TRPC4: variants seen among roughly 807,000 people sequenced by gnomAD.
TRPC4 encodes short transient receptor potential channel 4.
Under a neutral mutation model 99.4 loss-of-function variants are expected in TRPC4, and 49 were observed. The observed-to-expected ratio is 0.49, with a 90% CI of 0.39 to 0.63. The LOEUF (loss-of-function observed/expected upper bound fraction) is 0.63. TRPC4 is among the 20% of genes least tolerant of loss of function. The probability of loss-of-function intolerance (pLI) is 0.00; values close to 1 mark genes in which losing one functional copy is unlikely to be tolerated. For missense variants in TRPC4, 898 were observed against 1,152.9 expected, an observed-to-expected ratio of 0.78 and a Z score of 3.20; for synonymous variants, 454 against 425.9, an observed-to-expected ratio of 1.07 and a Z score of -0.81.
chr13:37,749,336 T>A (rs1483313845), intron 2 of TRPC4, among the ~76,000 whole-genome samples: 1 of 152,140 alleles, frequency 6.6e-6, no homozygotes, highest in African/African-American at 2.4e-5. Flanking sequence ...ATAATTATAA[T>A]TATTTTAGAG....
chr13:37,768,985 A>G (rs1158756456), intron 2 of TRPC4, among the ~76,000 whole-genome samples: 1 of 151,388 alleles, frequency 6.6e-6, no homozygotes, highest in East Asian at 2.0e-4. Context: ...AGAAATATAG[A>G]TCATGGTGGT....
intron 1 of TRPC4, among the ~76,000 whole-genome samples, chr13:37,832,114 G>T (rs1345401044): frequency 1.3e-5 from 2 of 152,046 alleles, no homozygotes; most frequent in Non-Finnish European, 2.9e-5. Flanking sequence ...ATTCCGCAAG[G>T]TATATTTGTA....
At position 37,805,908 on chromosome 13, in the gene TRPC4, G is replaced by GA. The variant is rs573518450; in HGVS notation, c.-27-22549dup. Among the ~76,000 whole-genome samples, 192 of 151,454 alleles carry GA rather than the reference G, an allele frequency of 1.3e-3. 1 individual carries two copies. Among genetic ancestry groups the GA allele is most frequent in the Non-Finnish European group, 2.1e-3 (141 of 67,842 alleles). On this transcript the variant is annotated intron_variant, in intron 1 of 10. Coordinates refer to ENST00000379705, the MANE Select transcript of TRPC4 (RefSeq NM_016179.4). Reference sequence around the variant, plus strand: ...CACTGTTTATACAATGTCTTATTGAGAAAAAAAAGAAACACATTTTTCTTG... The same window carrying GA: ...CACTGTTTATACAATGTCTTATTGAGAAAAAAAAAGAAACACATTTTTCTTG...
chr13:37,683,910 A>G (rs1178661311), intron 4 of TRPC4, among the ~76,000 whole-genome samples: 1 of 152,230 alleles, frequency 6.6e-6, no homozygotes, highest in Non-Finnish European at 1.5e-5. Flanking sequence ...CTACTTTTAA[A>G]TAACTTGAAA....
intron 1 of TRPC4, among the ~76,000 whole-genome samples, chr13:37,827,574 T>C (rs1299904250): frequency 6.6e-6 from 1 of 152,152 alleles, no homozygotes; most frequent in Non-Finnish European, 1.5e-5. Flanking sequence ...GCCTCCCAGT[T>C]AGGCTGCTCG....
At chr13:37,645,843 C>A (rs1951847826) in intron 8 of TRPC4, among the ~76,000 whole-genome samples, 1 of 152,210 alleles carries the variant, frequency 6.6e-6, no homozygotes, top group African/African-American at 2.4e-5. Context: ...GGAACTCACT[C>A]TTGAAATACC....
At chr13:37,715,498 G>T (rs931136032) in intron 3 of TRPC4, among the ~76,000 whole-genome samples, 1 of 152,128 alleles carries the variant, frequency 6.6e-6, no homozygotes, top group Non-Finnish European at 1.5e-5. Flanking sequence ...ATGAGATAAA[G>T]GATGTGAAGA....
At chr13:37,663,190 G>A (rs1202409804) in intron 6 of TRPC4, among the ~76,000 whole-genome samples, 6 of 152,140 alleles carry the variant, frequency 3.9e-5, no homozygotes, top group Non-Finnish European at 7.4e-5. Flanking sequence ...TCATTTAGAA[G>A]AAAAGATGAT....
At chr13:37,781,753 T>G (rs924722852) in intron 2 of TRPC4, among the ~76,000 whole-genome samples, 6 of 152,114 alleles carry the variant, frequency 3.9e-5, no homozygotes, top group South Asian at 2.1e-4. Flanking sequence ...TTTATCAAAG[T>G]CTTAGTTCAA....
chr13:37,778,697 T>C lies in TRPC4; in HGVS notation c.378+4259A>G, dbSNP rs796762426. ...ATCACTCTGGAATCTTCACTGTTTA[T>C]AATGTATAGCAAAGTCTTTTTTTCC... On this transcript the variant is annotated intron_variant, in intron 2 of 10. Coordinates refer to ENST00000379705, the MANE Select transcript of TRPC4 (RefSeq NM_016179.4). Among the ~76,000 whole-genome samples the C allele has an allele frequency of 3.4e-4, 52 of 152,150 alleles. 1 individual carries two copies. The highest frequency in any genetic ancestry group is 1.2e-3 in the African/African-American group (48 of 41,546).
chr13:37,662,042 C>T (rs191756965), intron 6 of TRPC4, among the ~76,000 whole-genome samples: 2 of 152,236 alleles, frequency 1.3e-5, no homozygotes, highest in South Asian at 2.1e-4. Flanking sequence ...GGCGAAGTGG[C>T]TCATGCCTGT....
At chr13:37,670,440 T>C (rs1274140781) in intron 5 of TRPC4, among the ~76,000 whole-genome samples, 2 of 152,072 alleles carry the variant, frequency 1.3e-5, no homozygotes, top group African/African-American at 4.8e-5. Flanking sequence ...AGATAGGAGG[T>C]AGAACCTATA....
chr13:37,651,410 C>T lies in TRPC4; in HGVS notation c.1934G>A (p.Ser645Asn). The T allele has an allele frequency of 6.2e-7, 1 of 1,614,054 alleles. No homozygotes were observed. The highest frequency in any genetic ancestry group is 8.5e-7 in the Non-Finnish European group (1 of 1,179,960). The change falls in exon 8 of 11, where the codon AGT (serine) becomes AAT (asparagine). Residue 645 changes from serine (S) to asparagine (N), a missense_variant. Ser to Asn is a conservative substitution (Grantham distance 46, BLOSUM62 1). Coordinates refer to ENST00000379705, the MANE Select transcript of TRPC4 (RefSeq NM_016179.4). ...CAGAGTACCTCCTTCTTCAAAATAA[C>T]TCATCCAAAGCTTTGTTCGTGCAAA... is the stretch of plus-strand genomic sequence containing the variant. The part of the protein sequence containing the change: ...WKFARTKLWM[S>N]YFEEGGTLPT...
rs1951522506 is a variant in TRPC4, at chr13:37,636,509, GA to G, written c.*393del. Reference sequence around the variant, plus strand: ...CTCTCTAAAGACCCTAAAAAATTATGAAAAGCTATAATATTTCAGCCACATT... The same window carrying G: ...CTCTCTAAAGACCCTAAAAAATTATGAAAGCTATAATATTTCAGCCACATT... On this transcript the variant is annotated 3_prime_UTR_variant, in exon 11 of 11. Coordinates refer to ENST00000379705, the MANE Select transcript of TRPC4 (RefSeq NM_016179.4). 6.4e-6 allele frequency: 1 copy of G among 156,034 alleles called. No homozygotes were observed. The highest frequency in any genetic ancestry group is 2.4e-5 in the African/African-American group (1 of 41,508). 9.7% of individuals were successfully genotyped at this position (156,034 alleles called of 1,614,324 possible).
At chr13:37,649,004 G>C (rs1951936892) in intron 8 of TRPC4, among the ~76,000 whole-genome samples, 2 of 13,676 alleles carry the variant, frequency 1.5e-4, no homozygotes, top group African/African-American at 2.7e-4. Flanking sequence ...TGGTGAGTAG[G>C]TATTTTTTTT....
chr13:37,778,285 C>G (rs759206822), intron 2 of TRPC4, among the ~76,000 whole-genome samples: 45 of 151,992 alleles, frequency 3.0e-4, no homozygotes, highest in Admixed American at 1.6e-3. Context: ...CCTTTTAATA[C>G]TTTCATTTCC....
chr13:37,637,113 TA>T lies in TRPC4; in HGVS notation c.2723del (p.Leu908Ter). 6.2e-7 allele frequency: 1 copy of T among 1,613,848 alleles called. No homozygotes were observed. On this transcript the variant is annotated frameshift_variant, in exon 11 of 11. Transcript: ENST00000379705. LOFTEE classifies it high-confidence loss of function. ...CCGTATTCCTTTCTCTATGGTCTAC[TA>T]ACACACATTGTTCACTGAGACCGGG... Reference protein sequence around the residue: ...SIPGLSEQCVLVDHRERNTDT... With the variant: ...SIPGLSEQCVXVDHRERNTDT...
In TRPC4 at chr13:37,635,140, T is replaced by TTATGAAGCA. The variant is rs1337168141; in HGVS notation, c.*1754_*1762dup. Among the ~76,000 whole-genome samples the TTATGAAGCA allele has an allele frequency of 1.3e-5, 2 of 152,170 alleles. No homozygotes were observed. Among genetic ancestry groups the TTATGAAGCA allele is most frequent in the African/African-American group, 4.8e-5 (2 of 41,450 alleles). On this transcript the variant is annotated 3_prime_UTR_variant, in exon 11 of 11. Transcript: ENST00000379705. ...TCTCTTGCTTTAGAAGAAGGGACTC[T>TTATGAAGCA]TATGAAGCATACCAAACTCATTCTC...
Position 37,738,694 on chromosome 13 carries a change from G to C in TRPC4, c.897+7243C>G, listed in dbSNP as rs143230787. 3.7e-3 allele frequency among the ~76,000 whole-genome samples: 564 copies of C among 152,274 alleles called. 4 individuals are homozygous for C. The highest frequency in any genetic ancestry group is 4.1e-3 in the Non-Finnish European group (278 of 68,016). ...AACAAAGGAATAGGGCCAACGTCAA[G>C]AGATGCCTGATATAAAGGCCTAGAA... On this transcript the variant is annotated intron_variant, in intron 3 of 10. Transcript: ENST00000379705.
Sources: gnomAD v4.1 joint callset for allele counts (sites outside exome capture counted in the v4.1 genomes callset) on GRCh38, gnomAD v4.1.1 for gene constraint, MANE v1.5 for transcripts, NCBI Gene and HGNC (gene_info 2026-07-23, HGNC 2026-07-21) for gene names.